The following TRAF3IP3 variants were observed in gnomAD, a reference collection of about 807,000 sequenced individuals.
TRAF3IP3 encodes the protein TRAF3-interacting JNK-activating modulator.
TRAF3IP3 carries 64 observed loss-of-function variants against 86.5 expected under a neutral mutation model. The ratio of observed to expected loss-of-function variants is 0.74; its 90% CI spans 0.60 to 0.91. TRAF3IP3 has a LOEUF of 0.91. Ranked by LOEUF, TRAF3IP3 falls within the 40% of genes least tolerant of loss-of-function variation. The pLI is 0.00. For synonymous variants in TRAF3IP3, 220 were observed against 243.9 expected, an observed-to-expected ratio of 0.90 and a Z score of 0.91; for missense variants, 579 against 642.9, an observed-to-expected ratio of 0.90 and a Z score of 1.07.
At position 209,781,417 on chromosome 1, in the gene TRAF3IP3, T is replaced by G. The variant is rs1479997482; in HGVS notation, c.1522T>G (p.Cys508Gly). The change falls in exon 16 of 17, where the codon TGT becomes GGT. Residue 508 changes from cysteine (C) to glycine (G), a missense_variant. By Grantham distance (159) the Cys-to-Gly change is radical (BLOSUM62 -3). Coordinates refer to ENST00000367025, the MANE Select transcript of TRAF3IP3 (RefSeq NM_025228.4). ...CTCCTGCCTGCGTAAGCTGCAGCAC[T>G]GTCGAGAAGAGCTGAACCAGAGCCA... ...YLSCLRKLQH[C>G]REELNQSQQL... 1 of 1,613,750 alleles carries G rather than the reference T, an allele frequency of 6.2e-7. No individual in the cohort carries two copies. The highest frequency in any genetic ancestry group is 1.7e-5 in the Admixed American group (1 of 60,018).
At chr1:209,769,160 A>G (rs2077415152) in intron 8 of TRAF3IP3, among the ~76,000 whole-genome samples, 1 of 152,260 alleles carries the variant, frequency 6.6e-6, no homozygotes, top group African/African-American at 2.4e-5. Flanking sequence ...TATATTCCCA[A>G]AATACAGCAA....
In TRAF3IP3 at chr1:209,780,588, C is replaced by T. The variant is rs1301284738; in HGVS notation, c.1431C>T (p.Leu477=). ...RDQLQKKTLQ[L]QAKEKECREL... is the part of the protein sequence containing the mutation. Reference sequence around the variant, plus strand: ...AGCTGCAAAAGAAGACTTTGCAGCTCCAGGCCAAGGAAAAGGAGGTGAGAG... The same window carrying T: ...AGCTGCAAAAGAAGACTTTGCAGCTTCAGGCCAAGGAAAAGGAGGTGAGAG... Residue 477 remains leucine (L), a synonymous_variant, in exon 15 of 17, where the codon CTC becomes CTT. Transcript: ENST00000367025. 6.3e-7 allele frequency: 1 copy of T among 1,589,340 alleles called. No individual in the cohort carries two copies. The highest frequency in any genetic ancestry group is 2.3e-5 in the East Asian group (1 of 43,478).
In TRAF3IP3 at chr1:209,759,080, C is replaced by T. The variant is rs1039045750; in HGVS notation, c.-113C>T. On this transcript the variant is annotated 5_prime_UTR_variant, in exon 2 of 17. An upstream open reading frame in the 5' UTR gains an earlier in-frame stop. Coordinates refer to ENST00000367025, the MANE Select transcript of TRAF3IP3 (RefSeq NM_025228.4). ...CATGTGCTTGTGGGTTTGGATGGCA[C>T]AATCTGTGTCTGGGCTAAGGAAAGC... 6.6e-6 allele frequency: 1 copy of T among 152,220 alleles called. No homozygotes were observed. Among genetic ancestry groups the T allele is most frequent in the African/African-American group, 2.4e-5 (1 of 41,430 alleles). The allele number at this position is 152,220 out of a possible 1,614,324, so 9.4% of individuals were successfully genotyped here. A position where few individuals can be genotyped will look rare whatever the true frequency, so the allele number is the denominator to read the frequency against.
rs2077289814 is a variant in TRAF3IP3, at chr1:209,763,738, A to G, written c.702+151A>G. On this transcript the variant is annotated intron_variant, in intron 8 of 16. Transcript: ENST00000367025. ...GCAGGAGATGAGGGGGATGGTGCTC[A>G]GACCTAGAAGTCAAACAGGTCACAA... is the stretch of plus-strand genomic sequence containing the variant. 1.1e-5 allele frequency: 7 copies of G among 661,598 alleles called. No individual in the cohort carries two copies. In the South Asian group the frequency reaches 1.3e-4, roughly 12 times the overall value. The allele number at this position is 661,598 out of a possible 1,614,324, so 41.0% of individuals were successfully genotyped here. A position where few individuals can be genotyped will look rare whatever the true frequency, so the allele number is the denominator to read the frequency against.
chr1:209,781,876 A>G (rs2077789110), intron 16 of TRAF3IP3, 180 bp from the exon 17 acceptor site: 1 of 591,656 alleles, frequency 1.7e-6, no homozygotes, highest in South Asian at 2.0e-5. Context: ...GCCAGAGAAC[A>G]TTGGTTAAGT....
intron 11 of TRAF3IP3, 87 bp downstream of exon 11, chr1:209,775,823 AAAGG>A: frequency 2.2e-6 from 3 of 1,333,958 alleles, no homozygotes; most frequent in Admixed American, 2.5e-5. Context: ...TAGGGACTCC[AAAGG>A]CAGCTGACAG....
intron 8 of TRAF3IP3, among the ~76,000 whole-genome samples, chr1:209,771,498 TGAAG>T (rs1308565212): frequency 9.6e-6 from 1 of 104,238 alleles, no homozygotes; most frequent in Non-Finnish European, 1.9e-5. Flanking sequence ...CGTGTGCATG[TGAAG>T]GTGTGTGTGA....
intron 8 of TRAF3IP3, among the ~76,000 whole-genome samples, chr1:209,771,456 T>TGCGA (rs1558021404): frequency 7.6e-6 from 1 of 131,842 alleles, no homozygotes; most frequent in Non-Finnish European, 1.6e-5. Context: ...TGTGTGTGCA[T>TGCGA]GTGAAGGTGT....
intron 7 of TRAF3IP3, 41 bp downstream of exon 7, chr1:209,763,433 C>G: frequency 6.2e-7 from 1 of 1,613,428 alleles, no homozygotes; most frequent in Non-Finnish European, 8.5e-7. Flanking sequence ...CCTCCATCCA[C>G]TTACCCCCGA....
intron 8 of TRAF3IP3, among the ~76,000 whole-genome samples, chr1:209,766,876 T>C (rs1278719191): frequency 2.0e-5 from 3 of 151,868 alleles, no homozygotes; most frequent in Non-Finnish European, 4.4e-5. Flanking sequence ...AAAATAAAAA[T>C]AAAGGAAAGA....
chr1:209,780,468 A>C lies in TRAF3IP3; in HGVS notation c.1313-2A>C, dbSNP rs1571968770. ...TCACCAAGAATCTGGCTGCTTTTTT[A>C]GATCAGGCTTTGCCCGTGTGGAGTC... is the stretch of plus-strand genomic sequence containing the variant. On this transcript the variant is annotated splice_acceptor_variant, in intron 14 of 16. Coordinates refer to ENST00000367025, the MANE Select transcript of TRAF3IP3 (RefSeq NM_025228.4). LOFTEE classifies it high-confidence loss of function. 1 of 1,552,920 alleles carries C rather than the reference A, an allele frequency of 6.4e-7. No homozygotes were observed. The highest frequency in any genetic ancestry group is 1.4e-5 in the African/African-American group (1 of 72,306).
At chr1:209,779,211 G>A (rs2102517297) in intron 13 of TRAF3IP3, 104 bp from the exon 14 acceptor site, 1 of 863,640 alleles carries the variant, frequency 1.2e-6, no homozygotes, top group Non-Finnish European at 1.8e-6. Flanking sequence ...ACACACAGCA[G>A]ATGGGAACAT....
chr1:209,774,306 T>A (rs2077607695), intron 9 of TRAF3IP3, among the ~76,000 whole-genome samples: 1 of 152,098 alleles, frequency 6.6e-6, no homozygotes. Context: ...CTACAATGAT[T>A]TTTTTTTAAA....
Position 209,760,380 on chromosome 1 carries a change from A to T in TRAF3IP3, c.341A>T (p.Glu114Val), listed in dbSNP as rs2077225116. Residue 114 changes from glutamate (E) to valine (V), a missense_variant, in exon 3 of 17, where the codon GAG (glutamate) becomes GTG (valine). Transcript: ENST00000367025. The part of the protein sequence containing the change: ...SCARRISSPR[E>V]QVTGTSSEVF... ...GCCAGAAGGATTTCTTCTCCCAGAG[A>T]GCAGGTGGGCCGTGTCAAGGGACAT... The T allele has an allele frequency of 1.9e-6, 3 of 1,589,294 alleles. No homozygotes were observed. In the African/African-American group the frequency reaches 4.0e-5, roughly 21 times the overall value.
chr1:209,775,899 A>C, intron 11 of TRAF3IP3, 163 bp downstream of exon 11: 1 of 649,230 alleles, frequency 1.5e-6, no homozygotes, highest in South Asian at 2.3e-5. Context: ...TTTGGCTCTG[A>C]AATCTAATTT....
intron 12 of TRAF3IP3, 73 bp downstream of exon 12, chr1:209,777,560 T>C: frequency 6.9e-7 from 1 of 1,451,044 alleles, no homozygotes; most frequent in Non-Finnish European, 9.3e-7. Flanking sequence ...GAAACTGAAT[T>C]AAGAGAAAGG....
At chr1:209,763,174 G>T in intron 6 of TRAF3IP3, 82 bp downstream of exon 6, 1 of 1,494,210 alleles carries the variant, frequency 6.7e-7, no homozygotes, top group Non-Finnish European at 9.3e-7. Context: ...AAACTTGGCT[G>T]GGATGGAGGG....
rs1456427284 is a variant in TRAF3IP3 at position 209,760,220 on chromosome 1, C to T, written c.181C>T (p.Arg61Ter). The change falls in exon 3 of 17, where the codon CGA becomes TGA. Residue 61 changes from arginine to a stop codon, truncating the protein, a stop_gained. Coordinates refer to ENST00000367025, the MANE Select transcript of TRAF3IP3 (RefSeq NM_025228.4). LOFTEE classifies it high-confidence loss of function. Reference sequence around the variant, plus strand: ...ACAGAGAGAGCAGCTCCAGAGAGCTCGACTGCAGCAGTTCTTCAGGAGGAG... The same window carrying T: ...ACAGAGAGAGCAGCTCCAGAGAGCTTGACTGCAGCAGTTCTTCAGGAGGAG... ...IQQREQLQRA[R>*]LQQFFRRRNL... The T allele has an allele frequency of 3.7e-6, 6 of 1,614,222 alleles. No homozygotes were observed. Among genetic ancestry groups the T allele is most frequent in the African/African-American group, 1.3e-5 (1 of 75,040 alleles).
chr1:209,775,422 C>T lies in TRAF3IP3; in HGVS notation c.848C>T (p.Ala283Val). ...CAGAAAAACAGCTATGAGCAGAAGG[C>T]CAAGGAGTCACTGCAGAAAGTGCTG... is the stretch of plus-strand genomic sequence containing the variant. ...EDQKNSYEQK[A>V]KESLQKVLEE... Residue 283 changes from alanine to valine, a missense_variant, in exon 10 of 17, where the codon GCC (alanine) becomes GTC (valine). Transcript: ENST00000367025. 1 of 1,614,154 alleles carries T rather than the reference C, an allele frequency of 6.2e-7. No homozygotes were observed. Among genetic ancestry groups the T allele is most frequent in the South Asian group, 1.1e-5 (1 of 91,080 alleles).
Sources: gnomAD v4.1 joint callset for allele counts (sites outside exome capture counted in the v4.1 genomes callset) on GRCh38, gnomAD v4.1.1 for gene constraint, MANE v1.5 for transcripts, NCBI Gene and HGNC (gene_info 2026-07-23, HGNC 2026-07-21) for gene names.